Variants in KCNJ18 observed in about 807,000 individuals in gnomAD.
KCNJ18 encodes potassium inwardly rectifying channel subfamily J member 18, also known as inward rectifier potassium channel 18.
KCNJ18 carries 16 observed loss-of-function variants against 17.3 expected under a neutral mutation model. The ratio of observed to expected loss-of-function variants is 0.92; its 90% CI spans 0.62 to 1.40. KCNJ18 has a LOEUF of 1.40. KCNJ18 is among the 40% of genes most tolerant of loss of function. The pLI, the probability that KCNJ18 is intolerant of heterozygous loss-of-function variation, is 0.00. For synonymous variants in KCNJ18, 185 were observed against 262.6 expected (o/e 0.70, Z 2.86); for missense variants, 462 against 626.8 (o/e 0.74, Z 2.81).
At chr17:21,696,323 A>C in intron 2 of KCNJ18, among the ~76,000 whole-genome samples, 1 of 139,246 alleles carries the variant, frequency 7.2e-6, no homozygotes, top group Non-Finnish European at 1.5e-5. Flanking sequence ...TCCCCCACCC[A>C]TTCATCTGCT....
chr17:21,703,866 G>T lies in KCNJ18; in HGVS notation c.1080G>T (p.Lys360Asn). Residue 360 changes from lysine to asparagine, a missense_variant, in exon 3 of 3, where the codon AAG (lysine) becomes AAT (asparagine). This residue lies in a region of KCNJ18 where 123 missense variants were observed against 117.5 expected (regional missense o/e 1.05). Transcript: ENST00000567955. ...EVPSTPRCSA[K>N]DLVENKFLLP... The stretch of plus-strand genomic sequence containing the variant: ...CCTCTACGCCCCGCTGCAGTGCGAA[G>T]GATCTGGTAGAGAACAAGTTCCTGC... 6.2e-7 allele frequency: 1 copy of T among 1,612,790 alleles called. No homozygotes were observed. The highest frequency in any genetic ancestry group is 1.1e-5 in the South Asian group (1 of 91,056).
At chr17:21,694,604 C>T (rs1905699533) in intron 1 of KCNJ18, among the ~76,000 whole-genome samples, 1 of 150,538 alleles carries the variant, frequency 6.6e-6, no homozygotes, top group Non-Finnish European at 1.5e-5. Flanking sequence ...ATCTACCCAC[C>T]CATCCATCCA....
intron 2 of KCNJ18, among the ~76,000 whole-genome samples, chr17:21,700,686 T>G (rs1905921301): frequency 2.0e-5 from 2 of 98,766 alleles, no homozygotes; most frequent in African/African-American, 7.3e-5. Flanking sequence ...GTCCTGGCAT[T>G]GCTGCCTCCT....
rs1906082867 is a variant in KCNJ18 at position 21,704,113 on chromosome 17, T to A, written c.*25T>A. The A allele has an allele frequency of 6.6e-7, 1 of 1,515,598 alleles. No individual in the cohort carries two copies. Among genetic ancestry groups the A allele is most frequent in the Non-Finnish European group, 8.8e-7 (1 of 1,132,608 alleles). The allele number at this position is 1,515,598 out of a possible 1,614,324, so 93.9% of individuals were successfully genotyped here. On this transcript the variant is annotated 3_prime_UTR_variant, in exon 3 of 3. Transcript: ENST00000567955. ...AGCCAACCTTGGCCGACATGCAGCA[T>A]CCACCCCTGGCCGGGGAGAGGCCCC...
At position 21,703,102 on chromosome 17, in the gene KCNJ18, G is replaced by C. The variant is rs1334175020; in HGVS notation, c.316G>C (p.Ala106Pro). The part of the protein sequence containing the change: ...LLFGVIFWVI[A>P]VAHGDLEPAE... ...GTTCGGCGTCATCTTCTGGGTCATC[G>C]CGGTGGCACACGGTGACCTGGAGCC... Residue 106 changes from alanine to proline, a missense_variant, in exon 3 of 3, where the codon GCG becomes CCG. Transcript: ENST00000567955. 1 of 1,612,308 alleles carries C rather than the reference G, an allele frequency of 6.2e-7. No individual in the cohort carries two copies. Among genetic ancestry groups the C allele is most frequent in the Non-Finnish European group, 8.5e-7 (1 of 1,179,730 alleles).
At chr17:21,702,560 G>A in intron 2 of KCNJ18, among the ~76,000 whole-genome samples, 171 bp from the exon 3 acceptor site, 1 of 152,332 alleles carries the variant, frequency 6.6e-6, no homozygotes, top group South Asian at 2.1e-4. Context: ...GAAGGGGGTG[G>A]CCACTCGCAC....
rs1267531690 is a variant in KCNJ18, at chr17:21,703,994, G to A, written c.1208G>A (p.Gly403Asp). The A allele has an allele frequency of 3.4e-5, 54 of 1,599,702 alleles. No homozygotes were observed. Among genetic ancestry groups the A allele is most frequent in the South Asian group, 7.7e-5 (7 of 90,546 alleles). Residue 403 changes from glycine to aspartate, a missense_variant, in exon 3 of 3, where the codon GGC (glycine) becomes GAC (aspartate). Coordinates refer to ENST00000567955, the MANE Select transcript of KCNJ18 (RefSeq NM_001194958.2). ...DGDQDGRSRD[G>D]LSPQARHDFD... ...GACCAGGACGGCCGAAGCCGGGATG[G>A]CCTCAGCCCCCAGGCCAGGCATGAC...
chr17:21,703,814 C>A lies in KCNJ18; in HGVS notation c.1028C>A (p.Ser343Ter). The A allele has an allele frequency of 2.1e-6, 3 of 1,455,176 alleles. No individual in the cohort carries two copies. The highest frequency in any genetic ancestry group is 1.9e-6 in the Non-Finnish European group (2 of 1,080,840). The allele number at this position is 1,455,176 out of a possible 1,614,324, so 90.1% of individuals were successfully genotyped here. A position where few individuals can be genotyped will look rare whatever the true frequency, so the allele number is the denominator to read the frequency against. ...AAGAACCAGTACAAGATTGACTACT[C>A]GCACTTCCACAAGACCTATGAGGTG... Reference protein sequence around the residue: ...EEKNQYKIDYSHFHKTYEVPS... With the variant: ...EEKNQYKIDY The change falls in exon 3 of 3, where the codon TCG becomes TAG. Residue 343 changes from serine to a stop codon, truncating the protein, a stop_gained. Coordinates refer to ENST00000567955, the MANE Select transcript of KCNJ18 (RefSeq NM_001194958.2). LOFTEE classifies it high-confidence loss of function.
intron 1 of KCNJ18, among the ~76,000 whole-genome samples, 156 bp from the exon 2 acceptor site, chr17:21,695,827 G>A (rs1331276104): frequency 2.6e-5 from 4 of 152,308 alleles, no homozygotes; most frequent in Non-Finnish European, 5.9e-5. Context: ...GAAGGTGTGG[G>A]GCATCAAAGG....
intron 2 of KCNJ18, among the ~76,000 whole-genome samples, chr17:21,700,200 C>T (rs1905906717): frequency 6.6e-6 from 1 of 150,788 alleles, no homozygotes; most frequent in Non-Finnish European, 1.5e-5. Flanking sequence ...TGGTCAGCCA[C>T]AGCGGTGTTG....
In KCNJ18 at chr17:21,704,318, G is replaced by A. The variant is rs1411428727; in HGVS notation, c.*230G>A. 9.6e-5 allele frequency: 54 copies of A among 561,406 alleles called. No individual in the cohort carries two copies. The highest frequency in any genetic ancestry group is 1.2e-4 in the Non-Finnish European group (39 of 331,602). The allele number at this position is 561,406 out of a possible 1,614,324, so 34.8% of individuals were successfully genotyped here. On this transcript the variant is annotated 3_prime_UTR_variant, in exon 3 of 3. Coordinates refer to ENST00000567955, the MANE Select transcript of KCNJ18 (RefSeq NM_001194958.2). The stretch of plus-strand genomic sequence containing the variant: ...GCTATCACAGGCTCAGGGCAAAGAA[G>A]TGGCCTCCTGGGGGGCCAGGCCACG...
At chr17:21,697,378 G>A (rs1193431976) in intron 2 of KCNJ18, among the ~76,000 whole-genome samples, 3 of 152,304 alleles carry the variant, frequency 2.0e-5, no homozygotes, top group Non-Finnish European at 4.4e-5. Context: ...TAGCTTGGTG[G>A]ACAGAGGCCA....
Position 21,703,153 on chromosome 17 carries a change from T to A in KCNJ18, c.367T>A (p.Cys123Ser), listed in dbSNP as rs1327396371. 1.9e-6 allele frequency: 3 copies of A among 1,610,882 alleles called. No homozygotes were observed. Among genetic ancestry groups the A allele is most frequent in the Admixed American group, 1.7e-5 (1 of 59,790 alleles). Residue 123 changes from cysteine to serine, a missense_variant, in exon 3 of 3, where the codon TGT becomes AGT. By Grantham distance (112) the Cys-to-Ser change is moderately radical. Transcript: ENST00000567955. ...GGCTGAGGGCCACGGCCGCACACCC[T>A]GTGTGATGCAGGTGCACGGCTTCAT... ...EPAEGHGRTP[C>S]VMQVHGFMAA...
chr17:21,704,546 A>G lies in KCNJ18; in HGVS notation c.*458A>G, dbSNP rs1906102675. On this transcript the variant is annotated 3_prime_UTR_variant, in exon 3 of 3. Transcript: ENST00000567955. Reference sequence around the variant, plus strand: ...TTACAAAAAAAAAAAAAACCATGCAATTGGAGAAAAAAATTTTAATTCATA... The same window carrying G: ...TTACAAAAAAAAAAAAAACCATGCAGTTGGAGAAAAAAATTTTAATTCATA... 6.0e-6 allele frequency: 1 copy of G among 167,396 alleles called. No individual in the cohort carries two copies. The highest frequency in any genetic ancestry group is 1.4e-5 in the Non-Finnish European group (1 of 71,704). 10.4% of individuals were successfully genotyped at this position (167,396 alleles called of 1,614,324 possible).
chr17:21,700,490 G>A (rs1389424035), intron 2 of KCNJ18, among the ~76,000 whole-genome samples: 2 of 96,310 alleles, frequency 2.1e-5, no homozygotes, highest in Non-Finnish European at 4.3e-5. Context: ...TGTGCTGCTC[G>A]GACCAGCGGG....
rs1180600136 is a variant in KCNJ18 at position 21,704,066 on chromosome 17, A to G, written c.1280A>G (p.Tyr427Cys). ...AGGGVLEQRPYRRGSEI is the reference protein window; with the variant it reads ...AGGGVLEQRPCRRGSEI ...GGCGGGGTCCTGGAGCAGCGGCCCT[A>G]CAGACGGGGGTCAGAGATCTGAGCC... The change falls in exon 3 of 3, where the codon TAC becomes TGC. Residue 427 changes from tyrosine (Y) to cysteine (C), a missense_variant. Coordinates refer to ENST00000567955, the MANE Select transcript of KCNJ18 (RefSeq NM_001194958.2). The G allele has an allele frequency of 5.1e-6, 8 of 1,559,460 alleles. No homozygotes were observed. Among genetic ancestry groups the G allele is most frequent in the Non-Finnish European group, 6.9e-6 (8 of 1,153,960 alleles).
chr17:21,697,796 T>A (rs1174371374), intron 2 of KCNJ18, among the ~76,000 whole-genome samples: 1 of 152,308 alleles, frequency 6.6e-6, no homozygotes, highest in Non-Finnish European at 1.5e-5. Context: ...GGCTGGGCTT[T>A]CCAGGCCCCA....
At chr17:21,697,826 G>A (rs1239387614) in intron 2 of KCNJ18, among the ~76,000 whole-genome samples, 5 of 152,430 alleles carry the variant, frequency 3.3e-5, no homozygotes, top group East Asian at 3.8e-4. Context: ...CTGATGAATG[G>A]TGCCTGGATT....
intron 2 of KCNJ18, among the ~76,000 whole-genome samples, chr17:21,697,244 G>A (rs1200799023): frequency 3.3e-5 from 5 of 152,304 alleles, no homozygotes; most frequent in Admixed American, 6.5e-5. Context: ...TATCAGTGGG[G>A]CACCCACCAC....
Sources: allele counts gnomAD v4.1 joint callset (sites outside exome capture counted in the v4.1 genomes callset), GRCh38; gene constraint gnomAD v4.1.1; regional missense constraint gnomAD v4.1.1; transcripts MANE v1.5; gene names NCBI Gene and HGNC (gene_info 2026-07-23, HGNC 2026-07-21).